TDP1: variants seen among roughly 807,000 people sequenced by gnomAD.
TDP1 encodes the protein tyrosyl-DNA phosphodiesterase 1.
Under a neutral mutation model 81.5 loss-of-function variants are expected in TDP1, and 64 were observed. That is an observed-to-expected ratio of 0.79 (90% CI 0.64 to 0.97). The LOEUF is 0.97. Among genes scored for constraint, TDP1 ranks in the 50% least tolerant of loss-of-function variants. TDP1 has a pLI of 0.00. For missense variants in TDP1, 723 were observed against 743.8 expected (o/e 0.97, Z 0.33); for synonymous variants, 256 against 264.3 (o/e 0.97, Z 0.30).
intron 15 of TDP1, 132 bp downstream of exon 15, chr14:90,019,550 C>A: frequency 2.9e-6 from 2 of 696,058 alleles, no homozygotes. Flanking sequence ...AGAGCCTGCA[C>A]TCTTAACCGC....
intron 15 of TDP1, among the ~76,000 whole-genome samples, chr14:90,019,823 A>G (rs1035706756): frequency 1.3e-5 from 2 of 152,194 alleles, no homozygotes; most frequent in African/African-American, 4.8e-5. Flanking sequence ...AGAGCTTGGC[A>G]GAGTATTTGA....
At chr14:90,022,671 A>T in intron 15 of TDP1, 1 of 821,028 alleles carries the variant, frequency 1.2e-6, no homozygotes, top group Non-Finnish European at 1.5e-6. Context: ...GGTTATTTTG[A>T]TATAGGAGAC....
At chr14:89,970,826 A>C (rs1179314700) in intron 5 of TDP1, 1 of 824,678 alleles carries the variant, frequency 1.2e-6, no homozygotes, top group Non-Finnish European at 1.5e-6. Context: ...GATGTATTTT[A>C]ATTAATTTAT....
At chr14:89,955,160 CA>C (rs1891444307), upstream of TDP1, 1 of 157,074 alleles carries the variant, frequency 6.4e-6, no homozygotes. Context: ...TTCAGATCAG[CA>C]AGTCATTGGG....
intron 15 of TDP1, among the ~76,000 whole-genome samples, chr14:90,024,755 T>A (rs147652714): frequency 2.0e-5 from 3 of 152,348 alleles, no homozygotes; most frequent in Admixed American, 2.0e-4. Flanking sequence ...TCTTAAAGAT[T>A]TCTGTATCAT....
At chr14:89,968,293 G>A (rs1228596652) in intron 5 of TDP1, among the ~76,000 whole-genome samples, 2 of 151,990 alleles carry the variant, frequency 1.3e-5, no homozygotes, top group Non-Finnish European at 2.9e-5. Flanking sequence ...AACATTTATG[G>A]TCTAGATGGG....
At chr14:90,013,242 A>G (rs534637036) in intron 14 of TDP1, among the ~76,000 whole-genome samples, 1 of 152,350 alleles carries the variant, frequency 6.6e-6, no homozygotes, top group South Asian at 2.1e-4. Context: ...ATGTGAGAAC[A>G]TGAGATTTGG....
At chr14:89,956,965 T>TA (rs1034418389) in intron 2 of TDP1, 165 bp downstream of exon 2, 1 of 152,238 alleles carries the variant, frequency 6.6e-6, no homozygotes, top group Non-Finnish European at 1.5e-5. Flanking sequence ...GATCATTGCA[T>TA]AAAATCCAAT....
intron 4 of TDP1, 145 bp downstream of exon 4, chr14:89,966,335 G>A (rs1319192466): frequency 1.4e-6 from 1 of 703,126 alleles, no homozygotes; most frequent in African/African-American, 1.7e-5. Context: ...GCTGGCTCAA[G>A]TGCCACAGTA....
At chr14:90,014,504 C>T (rs1175847257) in intron 14 of TDP1, among the ~76,000 whole-genome samples, 1 of 152,198 alleles carries the variant, frequency 6.6e-6, no homozygotes, top group African/African-American at 2.4e-5. Context: ...TGGTCTCCAT[C>T]TTCTCCAGCA....
chr14:90,020,481 TCCC>T (rs1566915518), intron 15 of TDP1, among the ~76,000 whole-genome samples: 8 of 42,346 alleles, frequency 1.9e-4, no homozygotes, highest in African/African-American at 6.2e-4. Flanking sequence ...TTTCCTTCCC[TCCC>T]TCCCTCCCTC....
chr14:90,014,420 C>T (rs555899565), intron 14 of TDP1, among the ~76,000 whole-genome samples: 17 of 152,172 alleles, frequency 1.1e-4, no homozygotes, highest in Non-Finnish European at 2.4e-4. Context: ...CACACACTGC[C>T]GTGGAGTTTT....
At chr14:90,028,134 C>G (rs997805932) in intron 15 of TDP1, among the ~76,000 whole-genome samples, 1 of 152,208 alleles carries the variant, frequency 6.6e-6, no homozygotes, top group African/African-American at 2.4e-5. Context: ...TTTTCCTAAG[C>G]CCCTAGCTGG....
chr14:89,993,488 A>G lies in TDP1; in HGVS notation c.1541+5A>G. On this transcript the variant is annotated splice_donor_5th_base_variant and intron_variant, in intron 14 of 16. Transcript: ENST00000335725. ...TGCTTGGTTCCTTGTCACAAGGTAAATAGTCCTTACATTCCTGATGGGAGA... is the reference window on the plus strand; with the variant it reads ...TGCTTGGTTCCTTGTCACAAGGTAAGTAGTCCTTACATTCCTGATGGGAGA... The G allele has an allele frequency of 6.2e-7, 1 of 1,612,132 alleles. No individual in the cohort carries two copies. Among genetic ancestry groups the G allele is most frequent in the Non-Finnish European group, 8.5e-7 (1 of 1,178,448 alleles).
Position 89,984,601 on chromosome 14 carries a change from A to G in TDP1, c.970A>G (p.Ile324Val), listed in dbSNP as rs1555387533. The G allele has an allele frequency of 6.2e-7, 1 of 1,611,492 alleles. No individual in the cohort carries two copies. Among genetic ancestry groups the G allele is most frequent in the African/African-American group, 1.3e-5 (1 of 74,866 alleles). Residue 324 changes from isoleucine to valine, a missense_variant, in exon 9 of 17, where the codon ATC becomes GTC. Transcript: ENST00000335725. Reference protein sequence around the residue: ...ESPTHFKADLISYLMAYNAPS... With the variant: ...ESPTHFKADLVSYLMAYNAPS... ...GCCAACACATTTTAAAGCTGATCTC[A>G]TCAGTTACTTGATGGCTTATAATGC...
intron 14 of TDP1, among the ~76,000 whole-genome samples, chr14:89,998,185 A>G (rs957454309): frequency 6.6e-6 from 1 of 151,880 alleles, no homozygotes; most frequent in African/African-American, 2.4e-5. Flanking sequence ...TTTGGAAGCA[A>G]AGATCACAGG....
chr14:90,037,360 T>G (rs991003079), intron 16 of TDP1, among the ~76,000 whole-genome samples: 1 of 152,324 alleles, frequency 6.6e-6, no homozygotes, highest in African/African-American at 2.4e-5. Context: ...AAATAAAGCC[T>G]ATCTTATTTG....
chr14:90,037,919 A>G (rs1362226284), intron 16 of TDP1, among the ~76,000 whole-genome samples: 1 of 152,206 alleles, frequency 6.6e-6, no homozygotes, highest in Admixed American at 6.5e-5. Flanking sequence ...TCATGGCATC[A>G]ACACATTGCA....
At chr14:90,029,567 C>T (rs1158374166) in intron 15 of TDP1, among the ~76,000 whole-genome samples, 1 of 146,716 alleles carries the variant, frequency 6.8e-6, no homozygotes. Context: ...GGCTCGATCT[C>T]GGCTCAGTGC....
Sources: gnomAD v4.1 joint callset for allele counts (sites outside exome capture counted in the v4.1 genomes callset) on GRCh38, gnomAD v4.1.1 for gene constraint, MANE v1.5 for transcripts, NCBI Gene and HGNC (gene_info 2026-07-23, HGNC 2026-07-21) for gene names.